JAKMIP1: variants seen among roughly 807,000 people sequenced by gnomAD.
JAKMIP1 encodes the protein janus kinase and microtubule-interacting protein 1.
In JAKMIP1, 33 loss-of-function variants were observed where a neutral mutation model predicts 113.0. The observed-to-expected ratio is 0.29, with a 90% CI of 0.22 to 0.39. The LOEUF (loss-of-function observed/expected upper bound fraction) is 0.39. Among genes scored for constraint, JAKMIP1 ranks in the 10% least tolerant of loss-of-function variants. The pLI, the probability that JAKMIP1 is intolerant of heterozygous loss-of-function variation, is 1.00. For missense variants in JAKMIP1, 813 were observed against 1,080.5 expected (o/e 0.75, Z 3.47); for synonymous variants, 480 against 459.9 (o/e 1.04, Z -0.56).
chr4:6,182,762 C>A (rs539805476), intron 1 of JAKMIP1, among the ~76,000 whole-genome samples: 1 of 152,350 alleles, frequency 6.6e-6, no homozygotes, highest in Non-Finnish European at 1.5e-5. Context: ...CCTGGGCCAG[C>A]GGGGAGCCCC....
intron 3 of JAKMIP1, among the ~76,000 whole-genome samples, chr4:6,099,513 T>C (rs1159789614): frequency 6.6e-6 from 1 of 152,198 alleles, no homozygotes; most frequent in Non-Finnish European, 1.5e-5. Context: ...ACCCCATCCT[T>C]TCTAGATTGT....
intron 16 of JAKMIP1, among the ~76,000 whole-genome samples, chr4:6,043,910 A>G (rs1416568935): frequency 6.6e-6 from 1 of 151,954 alleles, no homozygotes; most frequent in Non-Finnish European, 1.5e-5. Flanking sequence ...CTCATCAGTC[A>G]GCACTCTCCT....
chr4:6,029,838 T>A (rs1712365627), intron 19 of JAKMIP1, 57 bp from the exon 20 acceptor site: 2 of 1,225,060 alleles, frequency 1.6e-6, no homozygotes, highest in Non-Finnish European at 2.4e-6. Context: ...TTAAAAACTC[T>A]GTTTTTATTT....
At position 6,042,325 on chromosome 4, in the gene JAKMIP1, T is replaced by C. The variant is rs1714435792; in HGVS notation, c.2029-98A>G. Reference sequence around the variant, plus strand: ...GGTGTGTGAATTTCATAGATCGGCTTCCTCAGAGTGTGCTCAGGAATGGGT... The same window carrying C: ...GGTGTGTGAATTTCATAGATCGGCTCCCTCAGAGTGTGCTCAGGAATGGGT... On this transcript the variant is annotated intron_variant, in intron 16 of 20. Coordinates refer to ENST00000409021, the MANE Select transcript of JAKMIP1 (RefSeq NM_001099433.2). This position sits in a 1 kb window ranked among gnomAD's most constrained non-coding sequence, Gnocchi z 5.2. 4.2e-6 allele frequency: 4 copies of C among 953,208 alleles called. No homozygotes were observed. The South Asian group carries it at 5.3e-5, about 13-fold the overall frequency. 59.0% of individuals were successfully genotyped at this position (953,208 alleles called of 1,614,324 possible). A position where few individuals can be genotyped will look rare whatever the true frequency, so the allele number is the denominator to read the frequency against.
rs140611029 is a variant in JAKMIP1 at position 6,197,204 on chromosome 4, C to G, written c.-148+3049G>C. The stretch of plus-strand genomic sequence containing the variant: ...GGGCTAAGCGACTTGCCCAACGTCA[C>G]ACTGTCAGTAGGGTGGGAGCTGGTC... On this transcript the variant is annotated intron_variant, in intron 1 of 20. Transcript: ENST00000409021. The surrounding 1 kb of genome is among the most constrained non-coding windows in gnomAD (Gnocchi z 6.5). Among the ~76,000 whole-genome samples, 1 of 152,210 alleles carries G rather than the reference C, an allele frequency of 6.6e-6. No homozygotes were observed. Among genetic ancestry groups the G allele is most frequent in the African/African-American group, 2.4e-5 (1 of 41,456 alleles).
chr4:6,104,995 G>C (rs1054882602), intron 3 of JAKMIP1, among the ~76,000 whole-genome samples: 7 of 152,156 alleles, frequency 4.6e-5, no homozygotes, highest in Non-Finnish European at 1.0e-4. Flanking sequence ...GCCCAGGCAG[G>C]GCTCTTTCCC....
rs1171963610 is a variant in JAKMIP1 at position 6,042,950 on chromosome 4, C to G, written c.2029-723G>C. On this transcript the variant is annotated intron_variant, in intron 16 of 20. Coordinates refer to ENST00000409021, the MANE Select transcript of JAKMIP1 (RefSeq NM_001099433.2). The surrounding 1 kb of genome is among the most constrained non-coding windows in gnomAD (Gnocchi z 5.2). ...GGTAAGGGAGTGGGAGCTCTGTCCA[C>G]GTTCCCTCTGGGGTCTGGGCTGGGG... is the stretch of plus-strand genomic sequence containing the variant. Among the ~76,000 whole-genome samples, 1 of 152,014 alleles carries G rather than the reference C, an allele frequency of 6.6e-6. No homozygotes were observed. Among genetic ancestry groups the G allele is most frequent in the Non-Finnish European group, 1.5e-5 (1 of 67,994 alleles).
intron 20 of JAKMIP1, among the ~76,000 whole-genome samples, chr4:6,027,526 T>C (rs918319884): frequency 1.3e-5 from 2 of 152,190 alleles, no homozygotes; most frequent in African/African-American, 4.8e-5. Flanking sequence ...GCTGGAGCTA[T>C]TTCCACGGTC....
In JAKMIP1 at chr4:6,089,978, T is replaced by C. The variant is rs903114716; in HGVS notation, c.625-4349A>G. On this transcript the variant is annotated intron_variant, in intron 3 of 20. Coordinates refer to ENST00000409021, the MANE Select transcript of JAKMIP1 (RefSeq NM_001099433.2). This position sits in a 1 kb window ranked among gnomAD's most constrained non-coding sequence, Gnocchi z 5.3. Reference sequence around the variant, plus strand: ...AGAGGACACCTGTAATCCCAGCACTTTGGGAGGCCGAGGCAGGCGAATCAC... The same window carrying C: ...AGAGGACACCTGTAATCCCAGCACTCTGGGAGGCCGAGGCAGGCGAATCAC... 9.2e-5 allele frequency among the ~76,000 whole-genome samples: 14 copies of C among 152,056 alleles called. No homozygotes were observed. The highest frequency in any genetic ancestry group is 1.9e-4 in the Non-Finnish European group (13 of 68,000).
intron 18 of JAKMIP1, among the ~76,000 whole-genome samples, chr4:6,039,636 C>T (rs1714051218): frequency 6.6e-6 from 1 of 152,116 alleles, no homozygotes; most frequent in South Asian, 2.1e-4. Flanking sequence ...AAACGATAGC[C>T]CAGAGGGAAA....
rs1480135421 is a variant in JAKMIP1, at chr4:6,183,049, C to A, written c.-148+17204G>T. On this transcript the variant is annotated intron_variant, in intron 1 of 20. Transcript: ENST00000409021. This position sits in a 1 kb window ranked among gnomAD's most constrained non-coding sequence, Gnocchi z 5.3. The stretch of plus-strand genomic sequence containing the variant: ...TCCTGGAGGCTCCAGGTTCCCAGGT[C>A]CCATCTTAGTAATACAAGGACTCTT... Among the ~76,000 whole-genome samples, 1 of 152,162 alleles carries A rather than the reference C, an allele frequency of 6.6e-6. No individual in the cohort carries two copies. Among genetic ancestry groups the A allele is most frequent in the East Asian group, 1.9e-4 (1 of 5,184 alleles).
rs1560156023 is a variant in JAKMIP1 at position 6,081,835 on chromosome 4, C to T, written c.955-80G>A. Reference sequence around the variant, plus strand: ...GTCACAGCACCGAGGTGAGCAGAGACTCAACCCAGTTAGGACCCCTTCTGA... The same window carrying T: ...GTCACAGCACCGAGGTGAGCAGAGATTCAACCCAGTTAGGACCCCTTCTGA... On this transcript the variant is annotated intron_variant, in intron 5 of 20. Coordinates refer to ENST00000409021, the MANE Select transcript of JAKMIP1 (RefSeq NM_001099433.2). The surrounding 1 kb of genome is among the most constrained non-coding windows in gnomAD (Gnocchi z 4.6). 1 of 1,556,560 alleles carries T rather than the reference C, an allele frequency of 6.4e-7. No homozygotes were observed. Among genetic ancestry groups the T allele is most frequent in the South Asian group, 1.2e-5 (1 of 86,326 alleles).
Position 6,086,768 on chromosome 4 carries a change from C to T in JAKMIP1, c.625-1139G>A, listed in dbSNP as rs1004906130. Among the ~76,000 whole-genome samples the T allele has an allele frequency of 3.3e-5, 5 of 152,000 alleles. No homozygotes were observed. The highest frequency in any genetic ancestry group is 9.7e-5 in the African/African-American group (4 of 41,388). Reference sequence around the variant, plus strand: ...TGCAATTAGTTAAGATGAGGTCATCCTGGAGCAGGGTGGGCCCTTATGACT... The same window carrying T: ...TGCAATTAGTTAAGATGAGGTCATCTTGGAGCAGGGTGGGCCCTTATGACT... On this transcript the variant is annotated intron_variant, in intron 3 of 20. Transcript: ENST00000409021. The surrounding 1 kb of genome is among the most constrained non-coding windows in gnomAD (Gnocchi z 4.1).
At chr4:6,039,745 A>G (rs1216296221) in intron 18 of JAKMIP1, among the ~76,000 whole-genome samples, 1 of 152,202 alleles carries the variant, frequency 6.6e-6, no homozygotes, top group African/African-American at 2.4e-5. Flanking sequence ...GGAAGGGACA[A>G]GGGTCATAGC....
intron 1 of JAKMIP1, among the ~76,000 whole-genome samples, chr4:6,171,213 T>C (rs1031553668): frequency 2.8e-5 from 4 of 141,204 alleles, no homozygotes; most frequent in East Asian, 2.1e-4. Flanking sequence ...ATCACCATCA[T>C]CACCACCACC....
rs1726041345 is a variant in JAKMIP1 at position 6,181,705 on chromosome 4, A to G, written c.-148+18548T>C. Among the ~76,000 whole-genome samples, 1 of 152,144 alleles carries G rather than the reference A, an allele frequency of 6.6e-6. No homozygotes were observed. Among genetic ancestry groups the G allele is most frequent in the African/African-American group, 2.4e-5 (1 of 41,416 alleles). On this transcript the variant is annotated intron_variant, in intron 1 of 20. Coordinates refer to ENST00000409021, the MANE Select transcript of JAKMIP1 (RefSeq NM_001099433.2). This position sits in a 1 kb window ranked among gnomAD's most constrained non-coding sequence, Gnocchi z 5.4. ...GGAGAGCAGCAGCAACGCAAGCTCC[A>G]TTCATTCATTCATTCATTCAACAGC... is the stretch of plus-strand genomic sequence containing the variant.
intron 1 of JAKMIP1, among the ~76,000 whole-genome samples, chr4:6,126,250 A>AAC (rs1285662441): frequency 4.3e-5 from 6 of 139,086 alleles, no homozygotes; most frequent in Admixed American, 7.3e-5. Flanking sequence ...ACCATGGAGA[A>AAC]ACACACACAC....
Position 6,181,738 on chromosome 4 carries a change from T to C in JAKMIP1, c.-148+18515A>G, listed in dbSNP as rs2109041786. Among the ~76,000 whole-genome samples the C allele has an allele frequency of 6.6e-6, 1 of 152,268 alleles. No individual in the cohort carries two copies. Among genetic ancestry groups the C allele is most frequent in the Non-Finnish European group, 1.5e-5 (1 of 68,020 alleles). ...ATTCATTCATTCAACAGCATCCTAGTGCCTGTTCCATGCCAGACCCTGTGC... is the reference window on the plus strand; with the variant it reads ...ATTCATTCATTCAACAGCATCCTAGCGCCTGTTCCATGCCAGACCCTGTGC... On this transcript the variant is annotated intron_variant, in intron 1 of 20. Transcript: ENST00000409021. This position sits in a 1 kb window ranked among gnomAD's most constrained non-coding sequence, Gnocchi z 5.4.
chr4:6,037,783 C>T (rs1578052644), intron 18 of JAKMIP1, among the ~76,000 whole-genome samples: 2 of 149,938 alleles, frequency 1.3e-5, no homozygotes, highest in Non-Finnish European at 3.0e-5. Flanking sequence ...AGAGGTTAAC[C>T]CAGTAGCCCT....
Sources: allele counts gnomAD v4.1 joint callset (sites outside exome capture counted in the v4.1 genomes callset), GRCh38; gene constraint gnomAD v4.1.1; non-coding constraint Gnocchi (gnomAD v3.1); transcripts MANE v1.5; gene names NCBI Gene and HGNC (gene_info 2026-07-23, HGNC 2026-07-21).